Variants in SLC38A11 observed in about 807,000 individuals in gnomAD.
SLC38A11 encodes the protein solute carrier family 38 member 11, also known as putative sodium-coupled neutral amino acid transporter 11.
Under a neutral mutation model 49.4 loss-of-function variants are expected in SLC38A11, and 51 were observed. The observed-to-expected ratio is 1.03, with a 90% confidence interval of 0.83 to 1.30. The LOEUF is 1.30. SLC38A11 is among the 50% of genes most tolerant of loss of function. The pLI, the probability that SLC38A11 is intolerant of heterozygous loss-of-function variation, is 0.00. For synonymous variants in SLC38A11, 203 were observed against 192.9 expected (o/e 1.05, Z -0.43); for missense variants, 574 against 556.2 (o/e 1.03, Z -0.32).
At chr2:164,955,145 T>A in intron 1 of SLC38A11, 64 bp downstream of exon 1, 1 of 1,469,738 alleles carries the variant, frequency 6.8e-7, no homozygotes, top group South Asian at 1.2e-5. Context: ...TGACCTGACC[T>A]GTTGCAAGGT....
chr2:164,898,878 G>A (rs900418320), intron 11 of SLC38A11, 148 bp from the exon 12 acceptor site: 3 of 686,074 alleles, frequency 4.4e-6, no homozygotes, highest in Admixed American at 6.5e-5. Flanking sequence ...AGGAAAAATA[G>A]TTCTAAGAAA....
chr2:164,903,198 G>GTC (rs3029352), intron 11 of SLC38A11, among the ~76,000 whole-genome samples: 143,684 of 152,020 alleles, frequency 0.95, 68,424 homozygotes, highest in East Asian at 1. Flanking sequence ...GTGTGTGTGT[G>GTC]TGTGTATGTG....
intron 7 of SLC38A11, among the ~76,000 whole-genome samples, chr2:164,934,880 A>G (rs1407958555): frequency 1.3e-5 from 2 of 152,192 alleles, no homozygotes; most frequent in African/African-American, 4.8e-5. Context: ...CCAACATAAC[A>G]GACACTAAAT....
chr2:164,945,460 A>C, intron 4 of SLC38A11, 133 bp downstream of exon 4: 1 of 794,338 alleles, frequency 1.3e-6, no homozygotes, highest in Non-Finnish European at 1.8e-6. Context: ...TGGTTAAAGA[A>C]GTAAACATTT....
chr2:164,946,341 G>A (rs1271516587), intron 3 of SLC38A11, among the ~76,000 whole-genome samples: 1 of 152,062 alleles, frequency 6.6e-6, no homozygotes, highest in Non-Finnish European at 1.5e-5. Context: ...GCCAAGGTGG[G>A]CAGATCTCGA....
At position 164,938,723 on chromosome 2, in the gene SLC38A11, T is replaced by G. The variant is rs562529058; in HGVS notation, c.537+727A>C. On this transcript the variant is annotated intron_variant, in intron 6 of 11. Transcript: ENST00000685975. ...TAAACATCACAGTGAAAAGTAAAAT[T>G]CAGCCAAACGTTGGATTTTTCAAAA... is the stretch of plus-strand genomic sequence containing the variant. 2.0e-5 allele frequency among the ~76,000 whole-genome samples: 3 copies of G among 152,260 alleles called. No individual in the cohort carries two copies. In the South Asian group the frequency reaches 6.2e-4, roughly 32 times the overall value.
intron 7 of SLC38A11, among the ~76,000 whole-genome samples, chr2:164,925,366 A>G (rs1487753288): frequency 6.6e-6 from 1 of 152,204 alleles, no homozygotes; most frequent in Non-Finnish European, 1.5e-5. Flanking sequence ...AACAGAATTA[A>G]AATATCATGT....
At chr2:164,927,866 G>A (rs1458141046) in intron 7 of SLC38A11, among the ~76,000 whole-genome samples, 8 of 152,220 alleles carry the variant, frequency 5.3e-5, no homozygotes, top group African/African-American at 1.9e-4. Context: ...CAAACTATAA[G>A]GATCTGAGGT....
intron 7 of SLC38A11, among the ~76,000 whole-genome samples, chr2:164,918,082 G>GA (rs1264603913): frequency 0.012 from 1,630 of 139,770 alleles, 26 homozygotes; most frequent in African/African-American, 0.036. Context: ...AGTTGTACAG[G>GA]AAAAAAAAAA....
intron 5 of SLC38A11, among the ~76,000 whole-genome samples, chr2:164,942,520 C>T (rs1687851876): frequency 1.3e-5 from 2 of 151,776 alleles, no homozygotes; most frequent in Non-Finnish European, 2.9e-5. Flanking sequence ...AAAGAAAACC[C>T]CCCACAAAAA....
chr2:164,955,068 T>A, intron 1 of SLC38A11, 141 bp downstream of exon 1: 1 of 735,508 alleles, frequency 1.4e-6, no homozygotes, highest in Non-Finnish European at 2.2e-6. Context: ...AAAGTCAGAT[T>A]AAGGCAAAAC....
intron 8 of SLC38A11, chr2:164,915,686 C>T (rs1286552937): frequency 4.0e-6 from 2 of 494,400 alleles, no homozygotes; most frequent in Non-Finnish European, 7.3e-6. Context: ...TGAGTTTCTG[C>T]ATGAGAAATA....
At chr2:164,923,187 T>G (rs1397912065) in intron 7 of SLC38A11, among the ~76,000 whole-genome samples, 1 of 152,102 alleles carries the variant, frequency 6.6e-6, no homozygotes, top group Non-Finnish European at 1.5e-5. Flanking sequence ...GGCTAAGGCC[T>G]CAAAAGCAAT....
At chr2:164,949,046 C>G (rs1304952420) in intron 3 of SLC38A11, among the ~76,000 whole-genome samples, 1 of 147,698 alleles carries the variant, frequency 6.8e-6, no homozygotes, top group Non-Finnish European at 1.5e-5. Context: ...TTTTTTTTTT[C>G]TGCTTGACAC....
chr2:164,938,803 G>A (rs917591783), intron 6 of SLC38A11, among the ~76,000 whole-genome samples: 5 of 152,152 alleles, frequency 3.3e-5, no homozygotes, highest in Non-Finnish European at 7.4e-5. Flanking sequence ...TTATCAGAAT[G>A]TTTGGCATTA....
chr2:164,895,070 G>A lies in SLC38A11; in HGVS notation c.*3367C>T, dbSNP rs997860851. ...CTCCAAGTACTGAATCAGAAACTGT[G>A]GGGGTGAAGCCCAGCAATCTGTGTT... On this transcript the variant is annotated 3_prime_UTR_variant, in exon 12 of 12. Transcript: ENST00000685975. Among the ~76,000 whole-genome samples, 1 of 152,142 alleles carries A rather than the reference G, an allele frequency of 6.6e-6. No individual in the cohort carries two copies. Among genetic ancestry groups the A allele is most frequent in the African/African-American group, 2.4e-5 (1 of 41,434 alleles).
rs79562919 is a variant in SLC38A11 at position 164,951,940 on chromosome 2, C to T, written c.229+767G>A. On this transcript the variant is annotated intron_variant, in intron 3 of 11. Coordinates refer to ENST00000685975, the MANE Select transcript of SLC38A11 (RefSeq NM_001351537.2). ...AGCTGGTAAAAGGGCATCTAATCCA[C>T]CACAGCAGCAACTCCTGTGAGTGGT... 6.5e-3 allele frequency among the ~76,000 whole-genome samples: 988 copies of T among 151,386 alleles called. 14 individuals carry two copies. The highest frequency in any genetic ancestry group is 0.022 in the African/African-American group (902 of 41,230).
intron 11 of SLC38A11, among the ~76,000 whole-genome samples, chr2:164,905,320 C>G (rs951495418): frequency 6.6e-6 from 1 of 151,842 alleles, no homozygotes; most frequent in African/African-American, 2.4e-5. Context: ...TTAGTAGAGA[C>G]AGGATTTCAC....
chr2:164,939,637 A>G (rs1002796577), intron 5 of SLC38A11, 81 bp from the exon 6 acceptor site: 1 of 828,534 alleles, frequency 1.2e-6, no homozygotes, highest in African/African-American at 1.7e-5. Flanking sequence ...GCATTTAATT[A>G]TAAAAATTAC....
Sources: allele counts gnomAD v4.1 joint callset (sites outside exome capture counted in the v4.1 genomes callset), GRCh38; gene constraint gnomAD v4.1.1; transcripts MANE v1.5; gene names NCBI Gene and HGNC (gene_info 2026-07-23, HGNC 2026-07-21).